Variants in TMEM50B observed in about 807,000 individuals in gnomAD.
The protein encoded by TMEM50B is transmembrane protein 50B, also known as HCV p7-trans-regulated protein 3.
In TMEM50B, 14 loss-of-function variants were observed where a neutral mutation model predicts 23.4. The ratio of observed to expected loss-of-function variants is 0.60; its 90% CI spans 0.39 to 0.93. The LOEUF (loss-of-function observed/expected upper bound fraction) is 0.93. Among genes scored for constraint, TMEM50B ranks in the 40% least tolerant of loss-of-function variants. The probability of loss-of-function intolerance (pLI) is 0.00; values close to 1 mark genes in which losing one functional copy is unlikely to be tolerated. For missense variants in TMEM50B, 159 were observed against 193.0 expected (o/e 0.82, Z 1.04); for synonymous variants, 64 against 62.3 (o/e 1.03, Z -0.13).
chr21:33,463,042 A>G (rs560403828), intron 4 of TMEM50B, among the ~76,000 whole-genome samples: 1 of 152,370 alleles, frequency 6.6e-6, no homozygotes, highest in East Asian at 1.9e-4. Flanking sequence ...CTGTAATCCC[A>G]GCACTTTGGG....
chr21:33,437,179 C>T (rs545331964), intron 8 of TMEM50B: 84 of 537,610 alleles, frequency 1.6e-4, no homozygotes, highest in Admixed American at 3.2e-4. Flanking sequence ...AATGATTTTA[C>T]GGAGATATCC....
intron 1 of TMEM50B, among the ~76,000 whole-genome samples, chr21:33,472,289 A>C (rs1161693761): frequency 6.6e-6 from 1 of 151,480 alleles, no homozygotes; most frequent in African/African-American, 2.4e-5. Flanking sequence ...AGGCTAAGGC[A>C]GTAGAATTGC....
chr21:33,453,425 C>T (rs1176816482), intron 6 of TMEM50B, among the ~76,000 whole-genome samples: 1 of 151,908 alleles, frequency 6.6e-6, no homozygotes, highest in African/African-American at 2.4e-5. Flanking sequence ...AGAAACTATC[C>T]AAACTGAAAC....
At chr21:33,442,658 T>C (rs1438213405) in intron 7 of TMEM50B, among the ~76,000 whole-genome samples, 2 of 152,134 alleles carry the variant, frequency 1.3e-5, no homozygotes, top group Non-Finnish European at 2.9e-5. Context: ...CGCTGGCTCA[T>C]GCCTGTAATC....
At chr21:33,461,192 G>T (rs1172739967) in intron 4 of TMEM50B, among the ~76,000 whole-genome samples, 2 of 152,188 alleles carry the variant, frequency 1.3e-5, no homozygotes, top group Non-Finnish European at 2.9e-5. Context: ...GGAAGGGGAA[G>T]AAAGCTCCAC....
chr21:33,477,030 A>G (rs980240871), intron 1 of TMEM50B, among the ~76,000 whole-genome samples: 8 of 151,050 alleles, frequency 5.3e-5, no homozygotes, highest in African/African-American at 1.9e-4. Flanking sequence ...GCTGGGCAGG[A>G]TGGCTCACAC....
At position 33,455,760 on chromosome 21, in the gene TMEM50B, G is replaced by T. The variant is rs1372023376; in HGVS notation, c.398C>A (p.Ala133Asp). Reference protein sequence around the residue: ...TQNTDVYPGLAVFFQNALIFF... With the variant: ...TQNTDVYPGLDVFFQNALIFF... ...TATAAGTGCATTTTGAAAAAACACA[G>T]CTAGTCCCGGATAAACATCAGTATC... The change falls in exon 6 of 7, where the codon GCT becomes GAT. Residue 133 changes from alanine to aspartate, a missense_variant. Transcript: ENST00000542230. 1.2e-6 allele frequency: 2 copies of T among 1,613,944 alleles called. No individual in the cohort carries two copies. The highest frequency in any genetic ancestry group is 1.7e-6 in the Non-Finnish European group (2 of 1,179,920).
At chr21:33,436,558 A>G (rs1463344379) in intron 8 of TMEM50B, among the ~76,000 whole-genome samples, 1 of 152,012 alleles carries the variant, frequency 6.6e-6, no homozygotes, top group Non-Finnish European at 1.5e-5. Flanking sequence ...CCCTGTCTCT[A>G]CTAAAAATAC....
At chr21:33,465,165 T>C (rs1200059467) in intron 4 of TMEM50B, 177 bp downstream of exon 4, 1 of 502,860 alleles carries the variant, frequency 2.0e-6, no homozygotes, top group Non-Finnish European at 3.5e-6. Context: ...CAGTAACTTC[T>C]AGCAATAACT....
chr21:33,463,872 C>A (rs1238836769), intron 4 of TMEM50B, among the ~76,000 whole-genome samples: 1 of 152,150 alleles, frequency 6.6e-6, no homozygotes, highest in Non-Finnish European at 1.5e-5. Flanking sequence ...GAGCCAAGAT[C>A]ATGCCACTGC....
At chr21:33,479,713 A>C (rs2084410170) in intron 1 of TMEM50B, 125 bp downstream of exon 1, 1 of 152,306 alleles carries the variant, frequency 6.6e-6, no homozygotes, top group Non-Finnish European at 1.5e-5. Flanking sequence ...ACCCGGCTGG[A>C]CGGCCCCACA....
At chr21:33,435,305 G>A (rs2083934658) in intron 8 of TMEM50B, among the ~76,000 whole-genome samples, 1 of 152,130 alleles carries the variant, frequency 6.6e-6, no homozygotes, top group East Asian at 1.9e-4. Flanking sequence ...ACCAATGCTT[G>A]TGAACTTGCC....
chr21:33,443,386 G>A (rs11088252), intron 7 of TMEM50B, among the ~76,000 whole-genome samples: 28,294 of 129,868 alleles, frequency 0.22, 3,222 homozygotes, highest in Admixed American at 0.29. Context: ...ACCAGTAGTC[G>A]GGGCTGTGGG....
chr21:33,470,012 A>G (rs181911100), intron 1 of TMEM50B, among the ~76,000 whole-genome samples: 2 of 152,332 alleles, frequency 1.3e-5, no homozygotes, highest in East Asian at 1.9e-4. Context: ...ATGTGCCTAA[A>G]TAACTATAGG....
At chr21:33,478,400 C>T (rs1382596575) in intron 1 of TMEM50B, among the ~76,000 whole-genome samples, 4 of 151,998 alleles carry the variant, frequency 2.6e-5, no homozygotes, top group Non-Finnish European at 4.4e-5. Flanking sequence ...CCTAGAGGTG[C>T]AGGCTGCAGT....
chr21:33,477,969 A>C (rs2084389782), intron 1 of TMEM50B, among the ~76,000 whole-genome samples: 1 of 151,364 alleles, frequency 6.6e-6, no homozygotes, highest in Non-Finnish European at 1.5e-5. Flanking sequence ...ACCCGTCTTT[A>C]CTAAAAATAC....
At chr21:33,436,708 A>G in intron 8 of TMEM50B, 1 of 760,454 alleles carries the variant, frequency 1.3e-6, no homozygotes, top group Non-Finnish European at 2.1e-6. Flanking sequence ...GGCAAGAGTA[A>G]GACTCCATCT....
intron 6 of TMEM50B, among the ~76,000 whole-genome samples, chr21:33,453,240 C>G (rs1029766184): frequency 6.6e-6 from 1 of 152,036 alleles, no homozygotes; most frequent in African/African-American, 2.4e-5. Flanking sequence ...CAGGCATGCA[C>G]CACCATGCCC....
intron 7 of TMEM50B, among the ~76,000 whole-genome samples, chr21:33,443,445 C>T (rs900596920): frequency 3.0e-5 from 4 of 133,068 alleles, no homozygotes; most frequent in African/African-American, 1.1e-4. Context: ...TGCTGTTGAC[C>T]TAAACAGAAC....
Sources: allele counts gnomAD v4.1 joint callset (sites outside exome capture counted in the v4.1 genomes callset), GRCh38; gene constraint gnomAD v4.1.1; transcripts MANE v1.5; gene names NCBI Gene and HGNC (gene_info 2026-07-23, HGNC 2026-07-21).